Variants in PRKCZ observed in about 807,000 individuals in gnomAD.
The protein encoded by PRKCZ is protein kinase C zeta.
A neutral mutation model predicts 79.5 loss-of-function variants in PRKCZ; 33 were observed. The ratio of observed to expected loss-of-function variants is 0.41; its 90% CI spans 0.31 to 0.55. The LOEUF (loss-of-function observed/expected upper bound fraction) is 0.55, where lower values mean the gene tolerates loss of function less well. Ranked by LOEUF, PRKCZ falls within the 20% of genes least tolerant of loss-of-function variation. The probability of loss-of-function intolerance (pLI) is 0.19; values close to 1 mark genes in which losing one functional copy is unlikely to be tolerated. For synonymous variants in PRKCZ, 342 were observed against 320.9 expected (o/e 1.07, Z -0.70); for missense variants, 578 against 813.5 (o/e 0.71, Z 3.52).
intron 4 of PRKCZ, among the ~76,000 whole-genome samples, chr1:2,061,838 A>G (rs1660705014): frequency 6.6e-6 from 1 of 152,112 alleles, no homozygotes; most frequent in African/African-American, 2.4e-5. Context: ...TTTCACTCTG[A>G]CTGTGGTGCT....
intron 4 of PRKCZ, chr1:2,116,198 C>T (rs567152535): frequency 6.6e-6 from 1 of 152,430 alleles, no homozygotes; most frequent in East Asian, 1.9e-4. Flanking sequence ...CACTCTGGGT[C>T]GTGTGGGAAT....
chr1:2,056,620 G>T (rs1383725999), intron 3 of PRKCZ, 47 bp downstream of exon 3: 1 of 1,537,020 alleles, frequency 6.5e-7, no homozygotes, highest in Admixed American at 1.7e-5. Flanking sequence ...GCTGTTCCTG[G>T]CTGTGGGTGT....
intron 10 of PRKCZ, among the ~76,000 whole-genome samples, chr1:2,159,433 G>A (rs1681785062): frequency 6.6e-6 from 1 of 152,262 alleles, no homozygotes; most frequent in African/African-American, 2.4e-5. Flanking sequence ...CTGAGGGCCA[G>A]GTGAATAACA....
At chr1:2,096,419 T>G (rs112988880) in intron 4 of PRKCZ, among the ~76,000 whole-genome samples, 1 of 151,982 alleles carries the variant, frequency 6.6e-6, no homozygotes, top group African/African-American at 2.4e-5. Flanking sequence ...GCCTCCCTTC[T>G]CTGGGCAGAG....
At chr1:2,139,506 T>C (rs890374664) in intron 5 of PRKCZ, among the ~76,000 whole-genome samples, 1 of 152,092 alleles carries the variant, frequency 6.6e-6, no homozygotes, top group African/African-American at 2.4e-5. Flanking sequence ...AGAGAATTGC[T>C]TGAACCCGGG....
chr1:2,104,997 C>T, intron 4 of PRKCZ: 1 of 885,414 alleles, frequency 1.1e-6, no homozygotes, highest in Non-Finnish European at 1.4e-6. Context: ...GGCTTGTTGA[C>T]CTTGATCTGT....
chr1:2,181,392 G>C (rs1686583798), intron 16 of PRKCZ, among the ~76,000 whole-genome samples: 1 of 152,208 alleles, frequency 6.6e-6, no homozygotes, highest in Admixed American at 6.5e-5. Flanking sequence ...TCAGGTCACT[G>C]CTGTGGTTGC....
chr1:2,160,855 G>A (rs938159592), intron 10 of PRKCZ, among the ~76,000 whole-genome samples: 18 of 152,230 alleles, frequency 1.2e-4, no homozygotes, highest in African/African-American at 4.3e-4. Flanking sequence ...GCCCCGCCCC[G>A]CCGGGGGTGA....
In PRKCZ at chr1:2,185,143, G is replaced by A. The variant is rs1012891698; in HGVS notation, c.*134G>A. On this transcript the variant is annotated 3_prime_UTR_variant, in exon 18 of 18. Transcript: ENST00000378567. ...AGACGCTTGCGCCGAGACCGCAGAGGGAAGCGTCAGCGGGCGCTGCTGGGA... is the reference window on the plus strand; with the variant it reads ...AGACGCTTGCGCCGAGACCGCAGAGAGAAGCGTCAGCGGGCGCTGCTGGGA... The A allele has an allele frequency of 1.0e-5, 9 of 877,630 alleles. No individual in the cohort carries two copies. The African/African-American group carries it at 1.3e-4, about 13-fold the overall frequency. 54.4% of individuals were successfully genotyped at this position (877,630 alleles called of 1,614,324 possible). A position where few individuals can be genotyped will look rare whatever the true frequency, so the allele number is the denominator to read the frequency against.
At chr1:2,161,736 T>A (rs1299579194) in intron 10 of PRKCZ, among the ~76,000 whole-genome samples, 1 of 152,108 alleles carries the variant, frequency 6.6e-6, no homozygotes, top group Non-Finnish European at 1.5e-5. Flanking sequence ...TGAGCAGAGA[T>A]GAGGTCATGG....
chr1:2,092,455 C>T (rs779271307), intron 4 of PRKCZ, among the ~76,000 whole-genome samples: 1 of 152,234 alleles, frequency 6.6e-6, no homozygotes, highest in South Asian at 2.1e-4. Context: ...GACTCGGCCG[C>T]GCCCTCCCCC....
chr1:2,147,860 T>A (rs1469254176), intron 7 of PRKCZ, among the ~76,000 whole-genome samples: 1 of 151,970 alleles, frequency 6.6e-6, no homozygotes, highest in Non-Finnish European at 1.5e-5. Flanking sequence ...TGTTGTCCAC[T>A]GACCTGTCCA....
chr1:2,155,401 C>T (rs939360017), intron 9 of PRKCZ, among the ~76,000 whole-genome samples: 8 of 148,676 alleles, frequency 5.4e-5, no homozygotes, highest in African/African-American at 1.0e-4. Context: ...ATGGTGATGA[C>T]GGTGATGATG....
chr1:2,137,069 C>T (rs1676352425), intron 5 of PRKCZ, among the ~76,000 whole-genome samples: 2 of 152,250 alleles, frequency 1.3e-5, no homozygotes, highest in South Asian at 4.1e-4. Flanking sequence ...CCAAAAGCCT[C>T]AGAAGCAGGG....
chr1:2,112,441 C>T lies in PRKCZ; in HGVS notation c.335-22821C>T, dbSNP rs75420460. Among the ~76,000 whole-genome samples, 964 of 152,200 alleles carry T rather than the reference C, an allele frequency of 6.3e-3. 16 individuals are homozygous for T. Among genetic ancestry groups the T allele is most frequent in the African/African-American group, 0.019 (791 of 41,528 alleles). On this transcript the variant is annotated intron_variant, in intron 4 of 17. Transcript: ENST00000378567. Reference sequence around the variant, plus strand: ...GAGGGTCAGCCTGGAACCCCTGCCCCGTGAACACCAGCCAGCTTCATGCTG... The same window carrying T: ...GAGGGTCAGCCTGGAACCCCTGCCCTGTGAACACCAGCCAGCTTCATGCTG...
intron 4 of PRKCZ, among the ~76,000 whole-genome samples, chr1:2,134,168 G>T (rs946868398): frequency 2.6e-5 from 4 of 152,222 alleles, no homozygotes; most frequent in Non-Finnish European, 4.4e-5. Flanking sequence ...CTGCCGTGAG[G>T]CCTCTTTGAC....
intron 10 of PRKCZ, among the ~76,000 whole-genome samples, chr1:2,166,292 G>GC (rs1208974197): frequency 6.6e-6 from 1 of 152,128 alleles, no homozygotes; most frequent in East Asian, 1.9e-4. Context: ...GGTGGTGCAA[G>GC]CATGTGGTCC....
chr1:2,129,049 G>A (rs1468408219), intron 4 of PRKCZ, among the ~76,000 whole-genome samples: 1 of 152,122 alleles, frequency 6.6e-6, no homozygotes, highest in Non-Finnish European at 1.5e-5. Context: ...GACTTTTGAG[G>A]GGTGGGGACC....
chr1:2,139,744 C>T (rs990557041), intron 5 of PRKCZ, among the ~76,000 whole-genome samples: 8 of 152,254 alleles, frequency 5.3e-5, no homozygotes, highest in African/African-American at 1.9e-4. Flanking sequence ...TCCTGCCTCT[C>T]TTCAAAAGAA....
Sources: gnomAD v4.1 joint callset for allele counts (sites outside exome capture counted in the v4.1 genomes callset) on GRCh38, gnomAD v4.1.1 for gene constraint, MANE v1.5 for transcripts, NCBI Gene and HGNC (gene_info 2026-07-23, HGNC 2026-07-21) for gene names.